RNF212B: variants seen among roughly 807,000 people sequenced by gnomAD.
RNF212B encodes the protein ring finger protein 212B, also known as E3 ubiquitin-protein ligase RNF212B.
In RNF212B, 52 loss-of-function variants were observed where a neutral mutation model predicts 55.5. That is an observed-to-expected ratio of 0.94 (90% CI 0.75 to 1.18). The LOEUF is 1.18. RNF212B is among the 50% of genes most tolerant of loss of function. The pLI is 0.00. For missense variants in RNF212B, 289 were observed against 350.4 expected (o/e 0.82, Z 1.40); for synonymous variants, 99 against 121.4 (o/e 0.82, Z 1.21).
intron 1 of RNF212B, among the ~76,000 whole-genome samples, chr14:23,191,143 C>G (rs1442393217): frequency 6.6e-6 from 1 of 152,128 alleles, no homozygotes; most frequent in African/African-American, 2.4e-5. Context: ...CGCCTGAGGT[C>G]AGGAGTTCAA....
At chr14:23,242,970 C>T (rs1883707406) in intron 2 of RNF212B, among the ~76,000 whole-genome samples, 1 of 151,234 alleles carries the variant, frequency 6.6e-6, no homozygotes, top group Non-Finnish European at 1.5e-5. Context: ...TAGAGTGAGA[C>T]CTTGTCTCAA....
chr14:23,238,793 A>C (rs929703601), intron 1 of RNF212B, among the ~76,000 whole-genome samples: 1 of 145,832 alleles, frequency 6.9e-6, no homozygotes, highest in Non-Finnish European at 1.5e-5. Flanking sequence ...CCCACAAAGA[A>C]ACCTTACAAA....
At chr14:23,268,192 G>A (rs576254611) in intron 11 of RNF212B, among the ~76,000 whole-genome samples, 63 of 152,302 alleles carry the variant, frequency 4.1e-4, no homozygotes, top group African/African-American at 1.5e-3. Flanking sequence ...AACCTTGAAA[G>A]TGGGGTCTTC....
upstream of RNF212B, among the ~76,000 whole-genome samples, chr14:23,234,651 TCTA>T (rs541295183): frequency 5.8e-4 from 89 of 152,376 alleles, no homozygotes; most frequent in African/African-American, 1.0e-3. Context: ...GTTTCATTGG[TCTA>T]CACGTTTATG....
chr14:23,252,014 C>T (rs1346169640), intron 4 of RNF212B, among the ~76,000 whole-genome samples: 1 of 151,200 alleles, frequency 6.6e-6, no homozygotes, highest in African/African-American at 2.4e-5. Flanking sequence ...ATTACATAGG[C>T]ATGATTGATT....
At position 23,238,066 on chromosome 14, in the gene RNF212B, T is replaced by C. The variant is rs1883256510; in HGVS notation, c.-2+11T>C. Among the ~76,000 whole-genome samples, 1 of 152,174 alleles carries C rather than the reference T, an allele frequency of 6.6e-6. No individual in the cohort carries two copies. The highest frequency in any genetic ancestry group is 1.5e-5 in the Non-Finnish European group (1 of 68,034). On this transcript the variant is annotated intron_variant, in intron 1 of 14. Coordinates refer to ENST00000430154, the MANE Select transcript of RNF212B (RefSeq NM_001282322.3). Reference sequence around the variant, plus strand: ...ACAGCGGCCAAGCGGGTAGGGAGTGTAGCCAGAAAAAGAACTGAGAAGCTT... The same window carrying C: ...ACAGCGGCCAAGCGGGTAGGGAGTGCAGCCAGAAAAAGAACTGAGAAGCTT...
chr14:23,272,645 C>T, intron 14 of RNF212B, 178 bp from the exon 15 acceptor site: 1 of 622,638 alleles, frequency 1.6e-6, no homozygotes, highest in Non-Finnish European at 2.9e-6. Flanking sequence ...GAGATTGTCA[C>T]ACTAGATGTA....
chr14:23,222,669 G>A (rs1043051013), intron 2 of RNF212B, among the ~76,000 whole-genome samples: 5 of 152,064 alleles, frequency 3.3e-5, no homozygotes, highest in African/African-American at 7.2e-5. Context: ...ACCAGACAAA[G>A]AAACATCAGA....
At chr14:23,216,900 A>AAAAAAAAAC in intron 2 of RNF212B, among the ~76,000 whole-genome samples, 1 of 151,376 alleles carries the variant, frequency 6.6e-6, no homozygotes, top group Non-Finnish European at 1.5e-5. Flanking sequence ...AAAAAAAAAA[A>AAAAAAAAAC]AAAAGACCAA....
chr14:23,202,883 T>G (rs950102551), intron 2 of RNF212B, among the ~76,000 whole-genome samples: 15 of 152,076 alleles, frequency 9.9e-5, no homozygotes, highest in Non-Finnish European at 2.1e-4. Context: ...CTGTGAGTGT[T>G]TAAAATTTAA....
At chr14:23,235,502 A>G (rs1883034531), upstream of RNF212B, among the ~76,000 whole-genome samples, 2 of 152,206 alleles carry the variant, frequency 1.3e-5, no homozygotes, top group African/African-American at 2.4e-5. Flanking sequence ...CATTTTCTCA[A>G]AAATAAACAA....
intron 2 of RNF212B, among the ~76,000 whole-genome samples, chr14:23,221,859 G>C (rs1881604893): frequency 6.6e-6 from 1 of 152,094 alleles, no homozygotes; most frequent in Non-Finnish European, 1.5e-5. Context: ...ATGAACACAT[G>C]GAAATTAAAC....
rs554758241 is a variant in RNF212B, at chr14:23,251,554, G to A, written c.229-6995G>A. Among the ~76,000 whole-genome samples the A allele has an allele frequency of 3.3e-4, 50 of 152,328 alleles. No individual in the cohort carries two copies. The South Asian group carries it at 6.8e-3, about 21-fold the overall frequency. The stretch of plus-strand genomic sequence containing the variant: ...ATAGGGGCCAGGTGCAGTGGCTCAC[G>A]CCTGTAATCCCAGCACTTTGGGAGG... On this transcript the variant is annotated intron_variant, in intron 4 of 14. Coordinates refer to ENST00000430154, the MANE Select transcript of RNF212B (RefSeq NM_001282322.3).
At chr14:23,215,478 C>T (rs1880972242) in intron 2 of RNF212B, among the ~76,000 whole-genome samples, 1 of 152,136 alleles carries the variant, frequency 6.6e-6, no homozygotes, top group Non-Finnish European at 1.5e-5. Context: ...GCATTCTAGC[C>T]TGGGTGACAG....
rs1327545730 is a variant in RNF212B, at chr14:23,262,694, C to A, written c.464C>A (p.Thr155Asn). ...RSITPRPVGI[T>N]SPSQSVTPRP... is the part of the protein sequence containing the mutation. ...ATCACACCTCGACCAGTGGGCATTA[C>A]TTCCCCATCACAGTCAGGTGGAGAA... Residue 155 changes from threonine to asparagine, a missense_variant, in exon 8 of 15, where the codon ACT becomes AAT. Coordinates refer to ENST00000430154, the MANE Select transcript of RNF212B (RefSeq NM_001282322.3). 23 of 1,550,468 alleles carry A rather than the reference C, an allele frequency of 1.5e-5. No individual in the cohort carries two copies. The highest frequency in any genetic ancestry group is 1.9e-5 in the Non-Finnish European group (22 of 1,146,916).
intron 3 of RNF212B, 123 bp downstream of exon 3, chr14:23,243,431 C>A: frequency 1.1e-6 from 1 of 906,674 alleles, no homozygotes. Context: ...CGTGGTGGCT[C>A]AGGCCTGTAA....
chr14:23,195,959 C>T (rs1878620459), intron 2 of RNF212B, among the ~76,000 whole-genome samples: 2 of 152,190 alleles, frequency 1.3e-5, no homozygotes, highest in Admixed American at 6.5e-5. Flanking sequence ...ACTGCATTTG[C>T]TCTTTTCACT....
At chr14:23,262,054 A>G (rs1885335663) in intron 7 of RNF212B, among the ~76,000 whole-genome samples, 2 of 152,170 alleles carry the variant, frequency 1.3e-5, no homozygotes, top group South Asian at 4.1e-4. Context: ...TCAGTCCTGC[A>G]TTATGGATTA....
chr14:23,237,595 A>G (rs1025089243), upstream of RNF212B, among the ~76,000 whole-genome samples: 1 of 152,210 alleles, frequency 6.6e-6, no homozygotes, highest in African/African-American at 2.4e-5. Context: ...ATATTAAGCA[A>G]AAGTTTTCGC....
Sources: allele counts gnomAD v4.1 joint callset (sites outside exome capture counted in the v4.1 genomes callset), GRCh38; gene constraint gnomAD v4.1.1; transcripts MANE v1.5; gene names NCBI Gene and HGNC (gene_info 2026-07-23, HGNC 2026-07-21).